GSTM3: variants seen among roughly 807,000 people sequenced by gnomAD.
GSTM3 encodes glutathione S-transferase mu 3.
A neutral mutation model predicts 36.1 loss-of-function variants in GSTM3; 34 were observed. The observed-to-expected ratio is 0.94, with a 90% CI of 0.72 to 1.25. The LOEUF is 1.25. Ranked by LOEUF, GSTM3 falls within the 50% of genes most tolerant of loss-of-function variation. GSTM3 has a pLI of 0.00. For missense variants in GSTM3, 266 were observed against 281.6 expected, an observed-to-expected ratio of 0.94 and a Z score of 0.40; for synonymous variants, 102 against 99.5, an observed-to-expected ratio of 1.03 and a Z score of -0.15.
In GSTM3 at chr1:109,740,375, C is replaced by A; in HGVS notation, c.-88G>T. On this transcript the variant is annotated 5_prime_UTR_variant, in exon 2 of 9. Coordinates refer to ENST00000361066, the MANE Select transcript of GSTM3 (RefSeq NM_000849.5). ...GACATAAGGGGGCGGGGCCCACGCGCGGGCGCCCTGACTCCGCCTCCGCCC... is the reference window on the plus strand; with the variant it reads ...GACATAAGGGGGCGGGGCCCACGCGAGGGCGCCCTGACTCCGCCTCCGCCC... 2 of 1,242,906 alleles carry A rather than the reference C, an allele frequency of 1.6e-6. No homozygotes were observed. The highest frequency in any genetic ancestry group is 2.3e-6 in the Non-Finnish European group (2 of 873,646). 77.0% of individuals were successfully genotyped at this position (1,242,906 alleles called of 1,614,324 possible).
chr1:109,739,992 CCG>C, intron 2 of GSTM3, 84 bp from the exon 3 acceptor site: 1 of 1,171,130 alleles, frequency 8.5e-7, no homozygotes. Flanking sequence ...CCCGGGGCTG[CCG>C]AGTCCCTGCG....
Position 109,736,979 on chromosome 1 carries a change from A to T in GSTM3, c.*92T>A. 4.0e-6 allele frequency: 3 copies of T among 745,042 alleles called. No homozygotes were observed. Among genetic ancestry groups the T allele is most frequent in the Non-Finnish European group, 7.1e-6 (3 of 422,482 alleles). The allele number at this position is 745,042 out of a possible 1,614,324, so 46.2% of individuals were successfully genotyped here. A position where few individuals can be genotyped will look rare whatever the true frequency, so the allele number is the denominator to read the frequency against. On this transcript the variant is annotated 3_prime_UTR_variant, in exon 9 of 9. Coordinates refer to ENST00000361066, the MANE Select transcript of GSTM3 (RefSeq NM_000849.5). ...AGAAACTCAGCTGGACACCAGTAAC[A>T]TAAGTGCTATTCATTGAAAAGAGCA... is the stretch of plus-strand genomic sequence containing the variant.
intron 2 of GSTM3, 85 bp from the exon 3 acceptor site, chr1:109,739,993 C>G: frequency 4.4e-6 from 5 of 1,143,810 alleles, no homozygotes; most frequent in East Asian, 2.6e-5. Flanking sequence ...CCGGGGCTGC[C>G]GAGTCCCTGC....
In GSTM3 at chr1:109,740,427, T is replaced by G; in HGVS notation, c.-140A>C. The G allele has an allele frequency of 2.8e-6, 2 of 714,278 alleles. No homozygotes were observed. The highest frequency in any genetic ancestry group is 5.4e-5 in the Admixed American group (2 of 37,048). 44.2% of individuals were successfully genotyped at this position (714,278 alleles called of 1,614,324 possible). The stretch of plus-strand genomic sequence containing the variant: ...GTTCTCCGTCCCTTGCCTCCGCGGC[T>G]CCACAGGGCCGTGCGCAGGCGCGAC... On this transcript the variant is annotated 5_prime_UTR_variant, in exon 2 of 9. Coordinates refer to ENST00000361066, the MANE Select transcript of GSTM3 (RefSeq NM_000849.5).
chr1:109,740,382 C>T lies in GSTM3; in HGVS notation c.-95G>A, dbSNP rs762566876. 1.9e-6 allele frequency: 2 copies of T among 1,048,880 alleles called. No individual in the cohort carries two copies. The highest frequency in any genetic ancestry group is 1.6e-5 in the African/African-American group (1 of 63,000). The allele number at this position is 1,048,880 out of a possible 1,614,324, so 65.0% of individuals were successfully genotyped here. A position where few individuals can be genotyped will look rare whatever the true frequency, so the allele number is the denominator to read the frequency against. ...GGGGGCGGGGCCCACGCGCGGGCGC[C>T]CTGACTCCGCCTCCGCCCCGTTCTC... On this transcript the variant is annotated 5_prime_UTR_variant, in exon 2 of 9. Transcript: ENST00000361066.
At position 109,735,525 on chromosome 1, in the gene GSTM3, C is replaced by T. The variant is rs1031209624; in HGVS notation, c.*1546G>A. ...TTCACACAGTTCAGTCTCATTCTTC[C>T]GTTGCCACATGGTACTCCATAGTAT... On this transcript the variant is annotated 3_prime_UTR_variant, in exon 9 of 9. Coordinates refer to ENST00000361066, the MANE Select transcript of GSTM3 (RefSeq NM_000849.5). 7 of 151,880 alleles carry T rather than the reference C, an allele frequency of 4.6e-5. No individual in the cohort carries two copies. Among genetic ancestry groups the T allele is most frequent in the African/African-American group, 1.2e-4 (5 of 41,332 alleles). 9.4% of individuals were successfully genotyped at this position (151,880 alleles called of 1,614,324 possible).
chr1:109,737,480 T>A lies in GSTM3; in HGVS notation c.556A>T (p.Lys186Ter). The A allele has an allele frequency of 7.5e-6, 12 of 1,610,618 alleles. No homozygotes were observed. Among genetic ancestry groups the A allele is most frequent in the Non-Finnish European group, 1.0e-5 (12 of 1,176,932 alleles). Residue 186 changes from lysine (K) to a stop codon, truncating the protein, a stop_gained, in exon 8 of 9, where the codon AAG becomes TAG. Coordinates refer to ENST00000361066, the MANE Select transcript of GSTM3 (RefSeq NM_000849.5). LOFTEE classifies it high-confidence loss of function. ...PKCLDEFPNLKAFMCRFEALE... is the reference protein window; with the variant it reads ...PKCLDEFPNL ...ACCTCAAAACGGCACATGAAAGCCT[T>A]CAGGTTTGGGAACTCATCCAGGCAC...
Position 109,735,660 on chromosome 1 carries a change from T to TGAGACAGAGTCTCGCCC in GSTM3, c.*1410_*1411insGGGCGAGACTCTGTCTC, listed in dbSNP as rs1649179454. 1 of 141,120 alleles carries TGAGACAGAGTCTCGCCC rather than the reference T, an allele frequency of 7.1e-6. No individual in the cohort carries two copies. The highest frequency in any genetic ancestry group is 2.8e-5 in the African/African-American group (1 of 35,946). 8.7% of individuals were successfully genotyped at this position (141,120 alleles called of 1,614,324 possible). ...TTTTTTTTTTTTTTTTTTTTTTTTT[T>TGAGACAGAGTCTCGCCC]TGAGACAGAGTCTCGCCCTGTAGCC... On this transcript the variant is annotated 3_prime_UTR_variant, in exon 9 of 9. Transcript: ENST00000361066.
At position 109,738,319 on chromosome 1, in the gene GSTM3, G is replaced by A. The variant is rs1649269309; in HGVS notation, c.237C>T (p.Ala79=). 3 of 1,613,964 alleles carry A rather than the reference G, an allele frequency of 1.9e-6. No homozygotes were observed. Among genetic ancestry groups the A allele is most frequent in the Non-Finnish European group, 2.5e-6 (3 of 1,179,908 alleles). ...DGKNKITQSN[A]ILRYIARKHN... ...GCTTGCGAGCGATGTAGCGCAAGAT[G>A]GCATTGCTCTGGGTGATCTTGTTCT... The change falls in exon 5 of 9, where the codon GCC becomes GCT. Residue 79 remains alanine, a synonymous_variant. Transcript: ENST00000361066.
intron 1 of GSTM3, 30 bp downstream of exon 1, chr1:109,740,923 C>G (rs911110082): frequency 6.5e-6 from 1 of 153,882 alleles, no homozygotes; most frequent in East Asian, 1.9e-4. Flanking sequence ...CATTTCCCAC[C>G]TTGGAGTGTT....
At chr1:109,739,625 T>G (rs754848225) in intron 3 of GSTM3, 132 bp from the exon 4 acceptor site, 32 of 768,304 alleles carry the variant, frequency 4.2e-5, no homozygotes, top group Non-Finnish European at 4.7e-5. Context: ...ATTGAGCCTC[T>G]GAGCCCTATT....
Position 109,737,209 on chromosome 1 carries a change from C to T in GSTM3, c.580-40G>A, listed in dbSNP as rs146913938. 3.7e-4 allele frequency: 506 copies of T among 1,368,382 alleles called. 1 individual carries two copies. In the African/African-American group the frequency reaches 6.2e-3, roughly 17 times the overall value. The allele number at this position is 1,368,382 out of a possible 1,614,324, so 84.8% of individuals were successfully genotyped here. A position where few individuals can be genotyped will look rare whatever the true frequency, so the allele number is the denominator to read the frequency against. On this transcript the variant is annotated intron_variant, in intron 8 of 8. Transcript: ENST00000361066. ...CACCAAATCTTATAACGACCCCAAC[C>T]CAGTCCAACAGATGCATACCAGAAC...
chr1:109,737,091 C>T lies in GSTM3; in HGVS notation c.658G>A (p.Gly220Ser), dbSNP rs776236336. 1 of 1,611,006 alleles carries T rather than the reference C, an allele frequency of 6.2e-7. No individual in the cohort carries two copies. The highest frequency in any genetic ancestry group is 8.5e-7 in the Non-Finnish European group (1 of 1,177,114). ...MPINNKMAQW[G>S]NKPVC Reference sequence around the variant, plus strand: ...CCTGCTCAGCATACAGGCTTGTTGCCCCACTGGGCCATCTTGTTGTTGATG... The same window carrying T: ...CCTGCTCAGCATACAGGCTTGTTGCTCCACTGGGCCATCTTGTTGTTGATG... Residue 220 changes from glycine (G) to serine (S), a missense_variant, in exon 9 of 9, where the codon GGC (glycine) becomes AGC (serine). Gly to Ser is a moderately conservative substitution (Grantham distance 56). Coordinates refer to ENST00000361066, the MANE Select transcript of GSTM3 (RefSeq NM_000849.5).
Position 109,737,657 on chromosome 1 carries a change from T to C in GSTM3, c.467A>G (p.Lys156Arg). 1 of 1,595,558 alleles carries C rather than the reference T, an allele frequency of 6.3e-7. No individual in the cohort carries two copies. Among genetic ancestry groups the C allele is most frequent in the Non-Finnish European group, 8.6e-7 (1 of 1,165,206 alleles). Reference sequence around the variant, plus strand: ...CCTCTTCTTTTCCCTTCTTCCTACCTTTTCCCCGGCAAACCATGAGAATTT... The same window carrying C: ...CCTCTTCTTTTCCCTTCTTCCTACCCTTTCCCCGGCAAACCATGAGAATTT... ...LGKFSWFAGE[K>R]LTFVDFLTYD... The change falls in exon 7 of 9, where the codon AAG becomes AGG. Residue 156 changes from lysine to arginine, a missense_variant and splice_region_variant. Coordinates refer to ENST00000361066, the MANE Select transcript of GSTM3 (RefSeq NM_000849.5).
In GSTM3 at chr1:109,740,416, G is replaced by C. The variant is rs552359400; in HGVS notation, c.-129C>G. On this transcript the variant is annotated 5_prime_UTR_variant, in exon 2 of 9. Coordinates refer to ENST00000361066, the MANE Select transcript of GSTM3 (RefSeq NM_000849.5). Reference sequence around the variant, plus strand: ...GCCTCCGCCCCGTTCTCCGTCCCTTGCCTCCGCGGCTCCACAGGGCCGTGC... The same window carrying C: ...GCCTCCGCCCCGTTCTCCGTCCCTTCCCTCCGCGGCTCCACAGGGCCGTGC... 759 of 774,916 alleles carry C rather than the reference G, an allele frequency of 9.8e-4. 2 individuals carry two copies. The highest frequency in any genetic ancestry group is 1.4e-3 in the Non-Finnish European group (685 of 474,256). The allele number at this position is 774,916 out of a possible 1,614,324, so 48.0% of individuals were successfully genotyped here.
intron 1 of GSTM3, 106 bp from the exon 2 acceptor site, chr1:109,740,617 A>T: frequency 2.7e-6 from 1 of 368,186 alleles, no homozygotes. Flanking sequence ...AAGCACCACT[A>T]GCCAGGCAGT....
In GSTM3 at chr1:109,735,119, C is replaced by T. The variant is rs1285495476; in HGVS notation, c.*1952G>A. On this transcript the variant is annotated 3_prime_UTR_variant, in exon 9 of 9. Transcript: ENST00000361066. ...TCTGGGCCTTTATCCCACTTGCCTGCAGTAAGACTGTTATGAGTTTGGTGT... is the reference window on the plus strand; with the variant it reads ...TCTGGGCCTTTATCCCACTTGCCTGTAGTAAGACTGTTATGAGTTTGGTGT... 5 of 152,240 alleles carry T rather than the reference C, an allele frequency of 3.3e-5. No homozygotes were observed. The highest frequency in any genetic ancestry group is 3.3e-4 in the Admixed American group (5 of 15,282). 9.4% of individuals were successfully genotyped at this position (152,240 alleles called of 1,614,324 possible).
chr1:109,738,253 C>A, intron 5 of GSTM3, 32 bp downstream of exon 5: 1 of 1,600,474 alleles, frequency 6.2e-7, no homozygotes. Context: ...AACTACCAGC[C>A]TGGGGTCCCT....
chr1:109,739,002 T>G (rs1296735619), intron 4 of GSTM3, among the ~76,000 whole-genome samples: 9 of 152,160 alleles, frequency 5.9e-5, no homozygotes, highest in Non-Finnish European at 1.2e-4. Flanking sequence ...GTGCCTGTAG[T>G]CCCAGCTCCT....
Sources: allele counts gnomAD v4.1 joint callset (sites outside exome capture counted in the v4.1 genomes callset), GRCh38; gene constraint gnomAD v4.1.1; transcripts MANE v1.5; gene names NCBI Gene and HGNC (gene_info 2026-07-23, HGNC 2026-07-21).